Variants in PPP1R9A observed in about 807,000 individuals in gnomAD.
PPP1R9A encodes the protein protein phosphatase 1 regulatory subunit 9A.
A neutral mutation model predicts 141.9 loss-of-function variants in PPP1R9A; 59 were observed. That is an observed-to-expected ratio of 0.42 (90% CI 0.34 to 0.52). PPP1R9A has a LOEUF of 0.52. Ranked by LOEUF, PPP1R9A falls within the 20% of genes least tolerant of loss-of-function variation. The probability of loss-of-function intolerance (pLI) is 0.10; values close to 1 mark genes in which losing one functional copy is unlikely to be tolerated. For synonymous variants in PPP1R9A, 500 were observed against 569.7 expected, an observed-to-expected ratio of 0.88 and a Z score of 1.74; for missense variants, 1,444 against 1,611.9, an observed-to-expected ratio of 0.90 and a Z score of 1.78.
chr7:95,050,877 A>G (rs556533481), intron 2 of PPP1R9A, among the ~76,000 whole-genome samples: 1 of 152,354 alleles, frequency 6.6e-6, no homozygotes, highest in South Asian at 2.1e-4. Flanking sequence ...ATATTGCATC[A>G]TTAAATTTTC....
chr7:95,137,930 T>C (rs1443220742), intron 4 of PPP1R9A, among the ~76,000 whole-genome samples: 2 of 149,174 alleles, frequency 1.3e-5, no homozygotes, highest in Admixed American at 1.3e-4. Context: ...GACTTTCTTT[T>C]TTTCTTTTTT....
rs377511617 is a variant in PPP1R9A at position 94,980,605 on chromosome 7, G to GTT, written c.1395+69111_1395+69112dup. On this transcript the variant is annotated intron_variant, in intron 2 of 19. Coordinates refer to ENST00000433360, the MANE Select transcript of PPP1R9A (RefSeq NM_001166160.2). ...CGCATGCTACCATGCCCAGTTTAGT[G>GTT]TTTTTTTTTTTTTTTAGAAAAAGTT... is the stretch of plus-strand genomic sequence containing the variant. 1.4e-3 allele frequency among the ~76,000 whole-genome samples: 200 copies of GTT among 139,254 alleles called. 1 individual carries two copies. The highest frequency in any genetic ancestry group is 7.5e-3 in the Middle Eastern group (2 of 266). The allele number at this position is 139,254 out of a possible 152,430, so 91.4% of individuals were successfully genotyped here.
At chr7:95,053,244 T>C (rs1811055300) in intron 2 of PPP1R9A, among the ~76,000 whole-genome samples, 1 of 152,182 alleles carries the variant, frequency 6.6e-6, no homozygotes, top group Non-Finnish European at 1.5e-5. Context: ...AAAGTTTTCA[T>C]AAAATCAAAT....
intron 2 of PPP1R9A, among the ~76,000 whole-genome samples, chr7:94,976,986 T>C (rs1383049178): frequency 6.6e-6 from 1 of 152,162 alleles, no homozygotes; most frequent in Admixed American, 6.5e-5. Flanking sequence ...AGATCCAACT[T>C]GGCTAACAGA....
rs34284096 is a variant in PPP1R9A, at chr7:94,932,763, ATT to A, written c.1395+21275_1395+21276del. Among the ~76,000 whole-genome samples, 905 of 119,706 alleles carry A rather than the reference ATT, an allele frequency of 7.6e-3. 20 individuals carry two copies. The highest frequency in any genetic ancestry group is 0.034 in the East Asian group (139 of 4,090). The allele number at this position is 119,706 out of a possible 152,430, so 78.5% of individuals were successfully genotyped here. ...CTGGGCATTCCAATCTACCTGAAGC[ATT>A]TTTTTTTTTTTTTTTTTTTGGTCAG... On this transcript the variant is annotated intron_variant, in intron 2 of 19. Transcript: ENST00000433360.
chr7:95,141,070 C>T (rs1439219313), intron 4 of PPP1R9A, among the ~76,000 whole-genome samples: 3 of 152,124 alleles, frequency 2.0e-5, no homozygotes, highest in Non-Finnish European at 4.4e-5. Flanking sequence ...TATTCTTGAA[C>T]TTAACTAACA....
chr7:95,103,927 A>G (rs891057632), intron 2 of PPP1R9A, among the ~76,000 whole-genome samples: 2 of 152,162 alleles, frequency 1.3e-5, no homozygotes, highest in African/African-American at 2.4e-5. Context: ...CATAATATTT[A>G]TGGGAGTAAC....
intron 2 of PPP1R9A, among the ~76,000 whole-genome samples, chr7:95,082,599 G>A (rs1193741207): frequency 1.3e-5 from 2 of 151,748 alleles, no homozygotes; most frequent in Non-Finnish European, 2.9e-5. Context: ...AATGAGCATG[G>A]CATGGGGGCG....
chr7:94,966,941 G>C (rs1798285980), intron 2 of PPP1R9A, among the ~76,000 whole-genome samples: 1 of 152,058 alleles, frequency 6.6e-6, no homozygotes, highest in Non-Finnish European at 1.5e-5. Context: ...AATTCGTCTG[G>C]TCCTGGGCTT....
chr7:95,237,056 A>G (rs1019044304), intron 8 of PPP1R9A, among the ~76,000 whole-genome samples: 7 of 151,422 alleles, frequency 4.6e-5, no homozygotes, highest in African/African-American at 1.7e-4. Context: ...TTTTTAAGAT[A>G]TTTTATATTA....
chr7:95,092,750 G>A (rs975822549), intron 2 of PPP1R9A, among the ~76,000 whole-genome samples: 1 of 152,186 alleles, frequency 6.6e-6, no homozygotes, highest in African/African-American at 2.4e-5. Flanking sequence ...CGGCATATAA[G>A]TACGAAAGGA....
At chr7:94,983,324 G>A (rs534438527) in intron 2 of PPP1R9A, among the ~76,000 whole-genome samples, 14 of 152,160 alleles carry the variant, frequency 9.2e-5, no homozygotes, top group Middle Eastern at 3.4e-3. Flanking sequence ...CTCTTTTTTG[G>A]TTCCATATGA....
At chr7:94,951,952 T>G (rs1051435422) in intron 2 of PPP1R9A, among the ~76,000 whole-genome samples, 3 of 152,068 alleles carry the variant, frequency 2.0e-5, no homozygotes, top group African/African-American at 7.2e-5. Flanking sequence ...GGTTATATTT[T>G]CTTTCTTTTT....
At chr7:94,975,376 T>G (rs1171447530) in intron 2 of PPP1R9A, among the ~76,000 whole-genome samples, 3 of 149,628 alleles carry the variant, frequency 2.0e-5, no homozygotes, top group Admixed American at 6.6e-5. Flanking sequence ...TTTTTTTTTT[T>G]TTTTTTTAAG....
intron 2 of PPP1R9A, among the ~76,000 whole-genome samples, chr7:94,912,379 T>C (rs1023433260): frequency 6.6e-6 from 1 of 152,084 alleles, no homozygotes; most frequent in African/African-American, 2.4e-5. Context: ...CTGGGGTGCT[T>C]TTTCAAAGTG....
chr7:94,935,448 C>T (rs1794667441), intron 2 of PPP1R9A, among the ~76,000 whole-genome samples: 1 of 152,162 alleles, frequency 6.6e-6, no homozygotes, highest in Admixed American at 6.5e-5. Context: ...ACCATGCCCC[C>T]TTCTTAGAAA....
chr7:95,130,546 T>C (rs151150080), intron 4 of PPP1R9A, among the ~76,000 whole-genome samples: 1,555 of 152,130 alleles, frequency 0.01, 22 homozygotes, highest in African/African-American at 0.036. Flanking sequence ...CTAGTGGAGC[T>C]ATGAGAAGAG....
At chr7:95,283,600 C>T (rs935616987) in intron 16 of PPP1R9A, among the ~76,000 whole-genome samples, 4 of 152,158 alleles carry the variant, frequency 2.6e-5, no homozygotes, top group East Asian at 1.9e-4. Flanking sequence ...TCAGACCCTT[C>T]GGAACACAAG....
At chr7:95,263,729 C>T (rs1292183438) in intron 12 of PPP1R9A, among the ~76,000 whole-genome samples, 3 of 152,080 alleles carry the variant, frequency 2.0e-5, no homozygotes, top group African/African-American at 7.2e-5. Flanking sequence ...TCCAGTTTTT[C>T]TATGCAACTA....
Sources: allele counts gnomAD v4.1 joint callset (sites outside exome capture counted in the v4.1 genomes callset), GRCh38; gene constraint gnomAD v4.1.1; transcripts MANE v1.5; gene names NCBI Gene and HGNC (gene_info 2026-07-23, HGNC 2026-07-21).